NEK11: variants seen among roughly 807,000 people sequenced by gnomAD.
The protein encoded by NEK11 is NIMA related kinase 11.
A neutral mutation model predicts 80.7 loss-of-function variants in NEK11; 72 were observed. The observed-to-expected ratio is 0.89, with a 90% CI of 0.74 to 1.08. NEK11 has a LOEUF of 1.08. Among genes scored for constraint, NEK11 ranks in the 50% least tolerant of loss-of-function variants. The pLI, the probability that NEK11 is intolerant of heterozygous loss-of-function variation, is 0.00. For missense variants in NEK11, 764 were observed against 763.6 expected (o/e 1.00, Z -0.01); for synonymous variants, 251 against 260.7 (o/e 0.96, Z 0.36).
chr3:131,138,810 A>G (rs1408525509), intron 7 of NEK11, among the ~76,000 whole-genome samples: 1 of 152,210 alleles, frequency 6.6e-6, no homozygotes, highest in Non-Finnish European at 1.5e-5. Flanking sequence ...TGTAAGAACT[A>G]CAGTGTTACT....
intron 16 of NEK11, among the ~76,000 whole-genome samples, chr3:131,261,884 A>T (rs1211158189): frequency 2.6e-5 from 4 of 152,164 alleles, no homozygotes; most frequent in African/African-American, 7.2e-5. Flanking sequence ...TGGCTTAAAA[A>T]ACTGGAAAAA....
intron 17 of NEK11, among the ~76,000 whole-genome samples, chr3:131,291,884 T>C (rs1344038322): frequency 6.6e-6 from 1 of 152,210 alleles, no homozygotes; most frequent in Non-Finnish European, 1.5e-5. Context: ...CTTCTCCCAG[T>C]ATGTGGCTTG....
At chr3:131,048,534 G>A (rs1458981892) in intron 3 of NEK11, among the ~76,000 whole-genome samples, 1 of 152,162 alleles carries the variant, frequency 6.6e-6, no homozygotes, top group African/African-American at 2.4e-5. Flanking sequence ...TCCAGGTAAG[G>A]TCAGATCCTT....
chr3:131,131,022 G>A (rs1225678600), intron 5 of NEK11, among the ~76,000 whole-genome samples: 3 of 152,080 alleles, frequency 2.0e-5, no homozygotes, highest in African/African-American at 7.2e-5. Flanking sequence ...GGCTGGTGTC[G>A]AACTCCTGAC....
intron 5 of NEK11, among the ~76,000 whole-genome samples, chr3:131,128,105 G>A (rs2083686984): frequency 6.6e-6 from 1 of 152,136 alleles, no homozygotes; most frequent in African/African-American, 2.4e-5. Flanking sequence ...TGCCTCCCCT[G>A]TTATCAGCAT....
At chr3:131,034,441 C>G (rs977784151) in intron 3 of NEK11, among the ~76,000 whole-genome samples, 16 of 152,092 alleles carry the variant, frequency 1.1e-4, no homozygotes, top group African/African-American at 3.4e-4. Flanking sequence ...GATTTGTCAC[C>G]CAGGCTGGAG....
intron 5 of NEK11, among the ~76,000 whole-genome samples, chr3:131,123,453 C>A (rs916308114): frequency 2.0e-5 from 3 of 152,180 alleles, no homozygotes; most frequent in African/African-American, 7.2e-5. Flanking sequence ...GCATGAGCCA[C>A]CATGCATGGC....
chr3:131,306,906 A>C (rs1394619498), intron 17 of NEK11, among the ~76,000 whole-genome samples: 1 of 152,260 alleles, frequency 6.6e-6, no homozygotes, highest in South Asian at 2.1e-4. Context: ...TTCCTACCCC[A>C]GCACTGGTCC....
chr3:131,146,562 T>A (rs1163092162), intron 7 of NEK11, among the ~76,000 whole-genome samples: 1 of 152,188 alleles, frequency 6.6e-6, no homozygotes, highest in Non-Finnish European at 1.5e-5. Context: ...AATAACCAAG[T>A]ATATTGTGGC....
chr3:131,253,604 G>A (rs1441761324), intron 16 of NEK11, among the ~76,000 whole-genome samples: 1 of 152,096 alleles, frequency 6.6e-6, no homozygotes, highest in Non-Finnish European at 1.5e-5. Flanking sequence ...CACAGATAGA[G>A]TGGCGAAGAA....
At chr3:131,235,712 A>T (rs946287111) in intron 15 of NEK11, among the ~76,000 whole-genome samples, 2 of 152,312 alleles carry the variant, frequency 1.3e-5, no homozygotes, top group Admixed American at 1.3e-4. Flanking sequence ...TCATACTCAC[A>T]GCACTCAATG....
chr3:131,076,604 A>G (rs1306523347), intron 3 of NEK11, among the ~76,000 whole-genome samples: 1 of 152,236 alleles, frequency 6.6e-6, no homozygotes, highest in South Asian at 2.1e-4. Context: ...TCCAAAGCCA[A>G]AAAGTTACTC....
chr3:131,166,740 C>T (rs755913224), intron 12 of NEK11, among the ~76,000 whole-genome samples: 16 of 152,176 alleles, frequency 1.1e-4, no homozygotes, highest in South Asian at 2.1e-4. Context: ...GGGAACTTGG[C>T]GAGTGAAGAA....
In NEK11 at chr3:131,350,361, C is replaced by T. The variant is rs2097432127; in HGVS notation, c.*585C>T. On this transcript the variant is annotated 3_prime_UTR_variant, in exon 18 of 18. Coordinates refer to ENST00000383366, the MANE Select transcript of NEK11 (RefSeq NM_024800.5). ...TAAAAATCCAAAAAGTGATTCTCTT[C>T]TATGATTTATTTCAAACTCATCCAT... 1 of 152,144 alleles carries T rather than the reference C, an allele frequency of 6.6e-6. No individual in the cohort carries two copies. The highest frequency in any genetic ancestry group is 2.1e-4 in the South Asian group (1 of 4,832). The allele number at this position is 152,144 out of a possible 1,614,324, so 9.4% of individuals were successfully genotyped here. A position where few individuals can be genotyped will look rare whatever the true frequency, so the allele number is the denominator to read the frequency against.
intron 15 of NEK11, among the ~76,000 whole-genome samples, chr3:131,233,404 G>A (rs1046483046): frequency 6.6e-6 from 1 of 152,104 alleles, no homozygotes; most frequent in South Asian, 2.1e-4. Flanking sequence ...TATCTTGAAG[G>A]GACTTGTAAG....
Position 131,080,510 on chromosome 3 carries a change from G to A in NEK11, c.258G>A (p.Leu86=). ...ANLEAQLLSK[L]DHPAIVKFHA... ...TGGAAGCCCAACTCCTCTCCAAGCT[G>A]GACCACCCAGCCATTGTCAAGTTCC... The change falls in exon 4 of 18, where the codon CTG becomes CTA. Residue 86 remains leucine (L), a synonymous_variant. Transcript: ENST00000383366. 6.2e-7 allele frequency: 1 copy of A among 1,614,022 alleles called. No individual in the cohort carries two copies. Among genetic ancestry groups the A allele is most frequent in the Admixed American group, 1.7e-5 (1 of 60,000 alleles).
At chr3:131,266,139 A>G (rs1485688653) in intron 16 of NEK11, among the ~76,000 whole-genome samples, 4 of 151,696 alleles carry the variant, frequency 2.6e-5, no homozygotes, top group Non-Finnish European at 5.9e-5. Context: ...CAGTATATCT[A>G]TTTTGTTGTC....
chr3:131,249,406 A>G (rs935469258), intron 16 of NEK11, among the ~76,000 whole-genome samples: 4 of 152,052 alleles, frequency 2.6e-5, no homozygotes, highest in African/African-American at 9.7e-5. Context: ...AGATTGGTTG[A>G]CAGTGTGCGT....
intron 16 of NEK11, among the ~76,000 whole-genome samples, chr3:131,265,043 G>A (rs917884700): frequency 1.3e-5 from 2 of 152,212 alleles, no homozygotes; most frequent in Admixed American, 6.5e-5. Flanking sequence ...AGGAATGCTT[G>A]TGATTTTTGC....
Sources: gnomAD v4.1 joint callset for allele counts (sites outside exome capture counted in the v4.1 genomes callset) on GRCh38, gnomAD v4.1.1 for gene constraint, MANE v1.5 for transcripts, NCBI Gene and HGNC (gene_info 2026-07-23, HGNC 2026-07-21) for gene names.